GPR158: variants seen among roughly 807,000 people sequenced by gnomAD.
The protein encoded by GPR158 is G protein-coupled receptor 158.
Under a neutral mutation model 78.2 loss-of-function variants are expected in GPR158, and 30 were observed. The ratio of observed to expected loss-of-function variants is 0.38; its 90% CI spans 0.29 to 0.52. GPR158 has a LOEUF of 0.52. GPR158 is among the 20% of genes least tolerant of loss of function. The probability of loss-of-function intolerance (pLI) is 0.83; values close to 1 mark genes in which losing one functional copy is unlikely to be tolerated. For synonymous variants in GPR158, 581 were observed against 591.1 expected (o/e 0.98, Z 0.25); for missense variants, 1,463 against 1,523.5 (o/e 0.96, Z 0.66).
At chr10:25,195,044 G>A (rs1362155135) in intron 1 of GPR158, among the ~76,000 whole-genome samples, 2 of 151,734 alleles carry the variant, frequency 1.3e-5, no homozygotes, top group African/African-American at 2.4e-5. Flanking sequence ...TCAAAGTCCA[G>A]ATCTTTTTCT....
intron 5 of GPR158, among the ~76,000 whole-genome samples, chr10:25,545,916 G>T (rs750383251): frequency 6.6e-6 from 1 of 152,094 alleles, no homozygotes; most frequent in Non-Finnish European, 1.5e-5. Flanking sequence ...AAACTAGGTA[G>T]CTACATTAAA....
intron 2 of GPR158, among the ~76,000 whole-genome samples, chr10:25,254,330 T>C (rs1170615508): frequency 6.6e-6 from 1 of 152,194 alleles, no homozygotes; most frequent in Non-Finnish European, 1.5e-5. Context: ...CATGAACTGA[T>C]ATACTTTAAG....
At chr10:25,467,272 G>A (rs1835437959) in intron 5 of GPR158, among the ~76,000 whole-genome samples, 1 of 152,182 alleles carries the variant, frequency 6.6e-6, no homozygotes, top group African/African-American at 2.4e-5. Flanking sequence ...GGAGACCAAG[G>A]TTCTTTTGAA....
At chr10:25,366,064 T>C (rs1239533746) in intron 2 of GPR158, among the ~76,000 whole-genome samples, 1 of 151,796 alleles carries the variant, frequency 6.6e-6, no homozygotes, top group Non-Finnish European at 1.5e-5. Context: ...ATATTTACTT[T>C]TATTGTTGTA....
chr10:25,348,815 A>C (rs1170095798), intron 2 of GPR158, among the ~76,000 whole-genome samples: 1 of 152,028 alleles, frequency 6.6e-6, no homozygotes, highest in African/African-American at 2.4e-5. Flanking sequence ...CTTCAATAAC[A>C]GCCCTCTTCA....
At chr10:25,392,040 C>T (rs1588842063) in intron 2 of GPR158, among the ~76,000 whole-genome samples, 1 of 152,106 alleles carries the variant, frequency 6.6e-6, no homozygotes, top group East Asian at 1.9e-4. Flanking sequence ...TGAGATGTGC[C>T]TTTGCTTCTC....
At chr10:25,333,488 A>G (rs1855156323) in intron 2 of GPR158, among the ~76,000 whole-genome samples, 1 of 152,138 alleles carries the variant, frequency 6.6e-6, no homozygotes, top group African/African-American at 2.4e-5. Flanking sequence ...GGATTTTCTT[A>G]ATGTTAATTC....
chr10:25,286,483 A>T (rs1854352435), intron 2 of GPR158, among the ~76,000 whole-genome samples: 1 of 152,132 alleles, frequency 6.6e-6, no homozygotes, highest in Non-Finnish European at 1.5e-5. Context: ...CTGTTCTTAC[A>T]TGCTGTCTAC....
Position 25,175,753 on chromosome 10 carries a change from G to A in GPR158, c.333G>A (p.Lys111=). ...ACGAGTTGGCGGGCCTGCCGGGGAAGTGGCCAGCCCTGGCCAGCGCGCACC... is the reference window on the plus strand; with the variant it reads ...ACGAGTTGGCGGGCCTGCCGGGGAAATGGCCAGCCCTGGCCAGCGCGCACC... ...GRYELAGLPG[K]WPALASAHPS... The change falls in exon 1 of 11, where the codon AAG becomes AAA. Residue 111 remains lysine, a synonymous_variant. Transcript: ENST00000376351. The surrounding 1 kb of genome is among the most constrained non-coding windows in gnomAD (Gnocchi z 6.4). 1 of 1,611,412 alleles carries A rather than the reference G, an allele frequency of 6.2e-7. No homozygotes were observed. The highest frequency in any genetic ancestry group is 1.1e-5 in the South Asian group (1 of 91,068).
chr10:25,270,575 C>T (rs1450255169), intron 2 of GPR158, among the ~76,000 whole-genome samples: 1 of 152,116 alleles, frequency 6.6e-6, no homozygotes, highest in Non-Finnish European at 1.5e-5. Flanking sequence ...TCACTAATGC[C>T]ACTCTGCTCC....
chr10:25,373,973 T>G (rs972608884), intron 2 of GPR158, among the ~76,000 whole-genome samples: 1 of 151,742 alleles, frequency 6.6e-6, no homozygotes, highest in Non-Finnish European at 1.5e-5. Context: ...ATCTTCATAC[T>G]TAATGATTTT....
At chr10:25,502,974 T>G (rs956991988) in intron 5 of GPR158, among the ~76,000 whole-genome samples, 3 of 152,182 alleles carry the variant, frequency 2.0e-5, no homozygotes, top group Admixed American at 2.0e-4. Flanking sequence ...AAGGCAAAGC[T>G]TCTCTTTTGG....
chr10:25,499,755 CACA>C (rs1333784482), intron 5 of GPR158, among the ~76,000 whole-genome samples: 3 of 152,112 alleles, frequency 2.0e-5, no homozygotes, highest in Non-Finnish European at 4.4e-5. Context: ...TGCACACACC[CACA>C]ACAACAGCAC....
chr10:25,263,659 G>A (rs943207272), intron 2 of GPR158, among the ~76,000 whole-genome samples: 5 of 152,054 alleles, frequency 3.3e-5, no homozygotes, highest in East Asian at 3.9e-4. Flanking sequence ...TTTTAAGGCC[G>A]GGTGCTGTGG....
At chr10:25,447,359 A>AGTGGCAGAGCCAATAT (rs1835151622) in intron 4 of GPR158, among the ~76,000 whole-genome samples, 1 of 152,214 alleles carries the variant, frequency 6.6e-6, no homozygotes, top group East Asian at 1.9e-4. Flanking sequence ...AGAACCAGTA[A>AGTGGCAGAGCCAATAT]GTGGCAGAGC....
intron 2 of GPR158, among the ~76,000 whole-genome samples, chr10:25,273,416 T>TC (rs1384972893): frequency 6.6e-6 from 1 of 150,512 alleles, no homozygotes; most frequent in Non-Finnish European, 1.5e-5. Flanking sequence ...TTTTTTTTTT[T>TC]TTTGCACATA....
intron 2 of GPR158, among the ~76,000 whole-genome samples, chr10:25,273,706 T>G (rs572477729): frequency 6.8e-4 from 103 of 152,046 alleles, no homozygotes; most frequent in African/African-American, 2.4e-3. Context: ...TTGAGACAGG[T>G]TTTCCCTCTG....
At chr10:25,280,399 T>C (rs1303369736) in intron 2 of GPR158, among the ~76,000 whole-genome samples, 1 of 152,108 alleles carries the variant, frequency 6.6e-6, no homozygotes, top group Admixed American at 6.5e-5. Flanking sequence ...TAAGCAAAGG[T>C]TTTTTACACT....
chr10:25,175,393 G>C lies in GPR158; in HGVS notation c.-28G>C. Reference sequence around the variant, plus strand: ...TTAAAAAGTGATTCCCCCCCCTCCCGTTCCCTCCTCTTCTCTCTGGGAGGC... The same window carrying C: ...TTAAAAAGTGATTCCCCCCCCTCCCCTTCCCTCCTCTTCTCTCTGGGAGGC... On this transcript the variant is annotated 5_prime_UTR_variant, in exon 1 of 11. Transcript: ENST00000376351. The surrounding 1 kb of genome is among the most constrained non-coding windows in gnomAD (Gnocchi z 6.4). 7.3e-7 allele frequency: 1 copy of C among 1,374,912 alleles called. No homozygotes were observed. The highest frequency in any genetic ancestry group is 1.5e-5 in the African/African-American group (1 of 68,912). The allele number at this position is 1,374,912 out of a possible 1,614,324, so 85.2% of individuals were successfully genotyped here.
Sources: gnomAD v4.1 joint callset for allele counts (sites outside exome capture counted in the v4.1 genomes callset) on GRCh38, gnomAD v4.1.1 for gene constraint, Gnocchi (gnomAD v3.1) non-coding constraint, MANE v1.5 for transcripts, NCBI Gene and HGNC (gene_info 2026-07-23, HGNC 2026-07-21) for gene names.